Variants in DAB1 observed in about 807,000 individuals in gnomAD.
DAB1 encodes the protein DAB adaptor protein 1.
In DAB1, 15 loss-of-function variants were observed where a neutral mutation model predicts 64.6. That is an observed-to-expected ratio of 0.23 (90% CI 0.16 to 0.36). The LOEUF is 0.36. Ranked by LOEUF, DAB1 falls within the 10% of genes least tolerant of loss-of-function variation. DAB1 has a pLI of 1.00. For missense variants in DAB1, 596 were observed against 706.7 expected (o/e 0.84, Z 1.78); for synonymous variants, 235 against 251.9 (o/e 0.93, Z 0.64).
chr1:58,174,034 C>G (rs1275760700), intron 4 of DAB1, among the ~76,000 whole-genome samples: 1 of 152,166 alleles, frequency 6.6e-6, no homozygotes, highest in African/African-American at 2.4e-5. Context: ...CCTATCCTGA[C>G]TCTACAGTCC....
chr1:57,115,461 G>A (rs1254854431), intron 4 of DAB1, among the ~76,000 whole-genome samples: 1 of 152,220 alleles, frequency 6.6e-6, no homozygotes, highest in Non-Finnish European at 1.5e-5. Flanking sequence ...GTGTGATGAT[G>A]TAAATGTTCT....
chr1:58,027,256 C>T lies in DAB1; in HGVS notation n.387+123255G>A, dbSNP rs537244466. On this transcript the variant is annotated intron_variant and non_coding_transcript_variant, in intron 5 of 20. Transcript: ENST00000485760. ...TGGATTTTTTAAATGTATATAGAGA[C>T]AGGGTCTCACTTTATTGACCAGGCT... Among the ~76,000 whole-genome samples, 86 of 152,202 alleles carry T rather than the reference C, an allele frequency of 5.7e-4. 1 individual carries two copies. In the South Asian group the frequency reaches 0.015, roughly 27 times the overall value.
chr1:57,452,387 G>A (rs542382783), intron 7 of DAB1, among the ~76,000 whole-genome samples: 1 of 152,110 alleles, frequency 6.6e-6, no homozygotes, highest in South Asian at 2.1e-4. Flanking sequence ...AAATAAAATG[G>A]TCAGTGGGCA....
intron 1 of DAB1, among the ~76,000 whole-genome samples, chr1:57,322,273 A>G (rs930052455): frequency 1.3e-5 from 2 of 152,198 alleles, no homozygotes; most frequent in Non-Finnish European, 2.9e-5. Context: ...AGTGCCCAGT[A>G]CAAATAAACT....
intron 5 of DAB1, among the ~76,000 whole-genome samples, chr1:58,042,551 T>C (rs915729731): frequency 6.6e-6 from 1 of 152,144 alleles, no homozygotes; most frequent in African/African-American, 2.4e-5. Flanking sequence ...TGGCAATATA[T>C]GCATGGCGCA....
chr1:57,413,611 G>A (rs1684274345), intron 1 of DAB1, among the ~76,000 whole-genome samples: 1 of 151,798 alleles, frequency 6.6e-6, no homozygotes, highest in Non-Finnish European at 1.5e-5. Context: ...GGGCATGGTG[G>A]CAGGTGCCTG....
chr1:57,031,024 T>C (rs1646949811), intron 9 of DAB1, among the ~76,000 whole-genome samples: 1 of 152,242 alleles, frequency 6.6e-6, no homozygotes, highest in Admixed American at 6.5e-5. Flanking sequence ...ATAAATATAA[T>C]TTATTGGCTA....
intron 6 of DAB1, among the ~76,000 whole-genome samples, chr1:57,740,782 G>A (rs1422699120): frequency 6.6e-6 from 1 of 152,186 alleles, no homozygotes; most frequent in Admixed American, 6.5e-5. Flanking sequence ...CTGTGTGTTA[G>A]TGAAATAAAA....
chr1:57,502,132 A>T (rs1042063985), intron 7 of DAB1, among the ~76,000 whole-genome samples: 2 of 152,014 alleles, frequency 1.3e-5, no homozygotes, highest in African/African-American at 4.8e-5. Context: ...CATCCTGGCT[A>T]ACACGGTGAA....
At chr1:57,007,953 A>AGCACAGACG (rs1286363418) in intron 14 of DAB1, among the ~76,000 whole-genome samples, 7 of 152,242 alleles carry the variant, frequency 4.6e-5, no homozygotes, top group Non-Finnish European at 8.8e-5. Flanking sequence ...GGAGGGACCC[A>AGCACAGACG]GAATGGCTCT....
intron 2 of DAB1, among the ~76,000 whole-genome samples, chr1:57,173,517 T>C (rs1504588): frequency 0.26 from 39,841 of 152,120 alleles, 6,404 homozygotes; most frequent in Middle Eastern, 0.38. Flanking sequence ...CCTATGTATA[T>C]GCAAATATTC....
chr1:58,520,162 G>A (rs1254518882), intron 2 of DAB1, among the ~76,000 whole-genome samples: 2 of 152,086 alleles, frequency 1.3e-5, no homozygotes, highest in African/African-American at 4.8e-5. Context: ...TCACTACCTC[G>A]GGGAGAGGAT....
chr1:58,378,085 A>AT (rs1644347140), intron 3 of DAB1, among the ~76,000 whole-genome samples: 1 of 129,988 alleles, frequency 7.7e-6, no homozygotes, highest in Admixed American at 7.6e-5. Flanking sequence ...ATTCTTCTAA[A>AT]TTTTTTTCAA....
intron 4 of DAB1, among the ~76,000 whole-genome samples, chr1:57,129,961 G>A (rs1441266429): frequency 1.3e-5 from 2 of 151,758 alleles, no homozygotes; most frequent in Admixed American, 6.6e-5. Context: ...TTCAGTGACC[G>A]ATTAGCATCT....
chr1:57,229,267 C>A (rs929113301), intron 2 of DAB1, among the ~76,000 whole-genome samples: 34 of 150,468 alleles, frequency 2.3e-4, no homozygotes, highest in African/African-American at 8.1e-4. Context: ...GATCGTGGCT[C>A]ACTGCAACCT....
At chr1:57,751,966 A>T (rs1384249260) in intron 6 of DAB1, among the ~76,000 whole-genome samples, 1 of 152,258 alleles carries the variant, frequency 6.6e-6, no homozygotes, top group Non-Finnish European at 1.5e-5. Context: ...AGACTGAAAC[A>T]GAGATGGCTT....
At chr1:57,953,354 T>C (rs1645318156) in intron 5 of DAB1, among the ~76,000 whole-genome samples, 1 of 152,186 alleles carries the variant, frequency 6.6e-6, no homozygotes, top group Non-Finnish European at 1.5e-5. Context: ...ATGTTAAATT[T>C]TGAGTTTTGT....
chr1:58,508,620 G>T (rs1363564510), intron 2 of DAB1, among the ~76,000 whole-genome samples: 1 of 152,140 alleles, frequency 6.6e-6, no homozygotes, highest in Admixed American at 6.5e-5. Flanking sequence ...CTTGGCTTGT[G>T]TATCTAACAT....
intron 7 of DAB1, among the ~76,000 whole-genome samples, chr1:57,435,105 G>T (rs748186112): frequency 7.1e-6 from 1 of 141,740 alleles, no homozygotes; most frequent in Non-Finnish European, 1.5e-5. Flanking sequence ...CTGGAGCGTA[G>T]TGGCATGATC....
Sources: gnomAD v4.1 joint callset for allele counts (sites outside exome capture counted in the v4.1 genomes callset) on GRCh38, gnomAD v4.1.1 for gene constraint, MANE v1.5 for transcripts, NCBI Gene and HGNC (gene_info 2026-07-23, HGNC 2026-07-21) for gene names.